BBX: variants seen among roughly 807,000 people sequenced by gnomAD.
BBX encodes HMG box transcription factor BBX.
Under a neutral mutation model 100.2 loss-of-function variants are expected in BBX, and 30 were observed. The observed-to-expected ratio is 0.30, with a 90% CI of 0.22 to 0.41. The LOEUF is 0.41. Among genes scored for constraint, BBX ranks in the 10% least tolerant of loss-of-function variants. The pLI, the probability that BBX is intolerant of heterozygous loss-of-function variation, is 1.00. For missense variants in BBX, 1,023 were observed against 1,129.8 expected, an observed-to-expected ratio of 0.91 and a Z score of 1.35; for synonymous variants, 376 against 388.1, an observed-to-expected ratio of 0.97 and a Z score of 0.37.
intron 10 of BBX, among the ~76,000 whole-genome samples, chr3:107,758,439 C>T (rs1018579300): frequency 6.6e-6 from 1 of 152,230 alleles, no homozygotes; most frequent in African/African-American, 2.4e-5. Flanking sequence ...AGGCAAGAGA[C>T]TATTGGACAG....
chr3:107,661,837 G>A (rs2058461669), intron 3 of BBX: 5 of 983,522 alleles, frequency 5.1e-6, no homozygotes, highest in Non-Finnish European at 6.0e-6. Context: ...GGCACCCTCA[G>A]GAAGACCCCA....
At chr3:107,665,458 G>T (rs2058687386) in intron 3 of BBX, among the ~76,000 whole-genome samples, 1 of 152,080 alleles carries the variant, frequency 6.6e-6, no homozygotes, top group Non-Finnish European at 1.5e-5. Flanking sequence ...CTTTGTCACT[G>T]TCTGAGCACC....
chr3:107,688,449 G>A (rs946868600), intron 3 of BBX, among the ~76,000 whole-genome samples: 7 of 152,202 alleles, frequency 4.6e-5, no homozygotes, highest in Non-Finnish European at 7.3e-5. Context: ...CTTCTTGACC[G>A]TGTCTTTGGC....
intron 2 of BBX, among the ~76,000 whole-genome samples, chr3:107,570,958 A>G (rs2051310143): frequency 6.6e-6 from 1 of 152,202 alleles, no homozygotes; most frequent in Non-Finnish European, 1.5e-5. Context: ...AATCATCCAG[A>G]TAAAATGGAG....
chr3:107,550,825 T>C (rs947003289), intron 2 of BBX, among the ~76,000 whole-genome samples: 5 of 152,106 alleles, frequency 3.3e-5, no homozygotes, highest in African/African-American at 1.2e-4. Context: ...TAATTACTCA[T>C]CTAGGGTGGC....
chr3:107,791,249 A>T lies in BBX; in HGVS notation c.2303A>T (p.Asp768Val), dbSNP rs1224544497. The T allele has an allele frequency of 1.9e-6, 3 of 1,612,786 alleles. No homozygotes were observed. Among genetic ancestry groups the T allele is most frequent in the South Asian group, 2.2e-5 (2 of 90,906 alleles). Reference protein sequence around the residue: ...KPNVPEKGSGDKWSNKQLFLD... With the variant: ...KPNVPEKGSGVKWSNKQLFLD... Reference sequence around the variant, plus strand: ...CTGTCATTGTTTTTAGGAAGTGGGGATAAATGGTCAAACAAGCAACTCTTC... The same window carrying T: ...CTGTCATTGTTTTTAGGAAGTGGGGTTAAATGGTCAAACAAGCAACTCTTC... The change falls in exon 15 of 18, where the codon GAT (aspartate) becomes GTT (valine). Residue 768 changes from aspartate (D) to valine (V), a missense_variant. By Grantham distance (152) the Asp-to-Val change is radical. Transcript: ENST00000325805.
At chr3:107,595,644 G>T (rs2053623592) in intron 2 of BBX, among the ~76,000 whole-genome samples, 1 of 152,176 alleles carries the variant, frequency 6.6e-6, no homozygotes, top group African/African-American at 2.4e-5. Flanking sequence ...TCCTTTCTGT[G>T]ACTCTTGTTA....
chr3:107,778,075 C>T (rs749877629), intron 12 of BBX, among the ~76,000 whole-genome samples: 6 of 151,898 alleles, frequency 4.0e-5, no homozygotes, highest in Non-Finnish European at 7.4e-5. Flanking sequence ...TTATGAAAAA[C>T]TCCCATGCCA....
chr3:107,658,474 C>A (rs2058265128), intron 3 of BBX, among the ~76,000 whole-genome samples: 1 of 152,122 alleles, frequency 6.6e-6, no homozygotes, highest in African/African-American at 2.4e-5. Context: ...GTCGACTCTT[C>A]TTTCACACTT....
intron 4 of BBX, among the ~76,000 whole-genome samples, chr3:107,711,822 C>T (rs1315073942): frequency 6.6e-6 from 1 of 152,150 alleles, no homozygotes; most frequent in African/African-American, 2.4e-5. Context: ...AGGGCACCCA[C>T]TCCTGTTTCT....
intron 1 of BBX, among the ~76,000 whole-genome samples, chr3:107,524,965 G>A (rs1306970363): frequency 6.6e-6 from 1 of 151,712 alleles, no homozygotes; most frequent in East Asian, 2.0e-4. Context: ...CCGGGCTGCC[G>A]TTCCCGGGGT....
At chr3:107,730,049 T>C (rs747121846) in intron 6 of BBX, among the ~76,000 whole-genome samples, 3 of 152,102 alleles carry the variant, frequency 2.0e-5, no homozygotes, top group Non-Finnish European at 4.4e-5. Flanking sequence ...ACCTCACGAC[T>C]GCACTCCATC....
intron 10 of BBX, among the ~76,000 whole-genome samples, chr3:107,767,172 C>T (rs576239051): frequency 6.6e-6 from 1 of 152,332 alleles, no homozygotes; most frequent in East Asian, 1.9e-4. Context: ...GCACATTCTG[C>T]ATATGTATCC....
chr3:107,808,855 G>C lies in BBX; in HGVS notation c.*3398G>C, dbSNP rs965840030. On this transcript the variant is annotated 3_prime_UTR_variant, in exon 18 of 18. Coordinates refer to ENST00000325805, the MANE Select transcript of BBX (RefSeq NM_001142568.3). ...GAAATATATTTATTTAATTCTGTCA[G>C]ATGAGCTTTCTACCGATGCCATGTC... The C allele has an allele frequency of 2.8e-4, 42 of 152,280 alleles. No homozygotes were observed. The highest frequency in any genetic ancestry group is 2.5e-3 in the Admixed American group (38 of 15,292). 9.4% of individuals were successfully genotyped at this position (152,280 alleles called of 1,614,324 possible).
chr3:107,754,785 A>G (rs904670602), intron 9 of BBX, among the ~76,000 whole-genome samples: 1 of 152,242 alleles, frequency 6.6e-6, no homozygotes, highest in Non-Finnish European at 1.5e-5. Flanking sequence ...CTACTCTAAC[A>G]ATGACAGAAC....
At chr3:107,675,202 T>G (rs968272047) in intron 3 of BBX, among the ~76,000 whole-genome samples, 2 of 152,142 alleles carry the variant, frequency 1.3e-5, no homozygotes, top group African/African-American at 4.8e-5. Flanking sequence ...GAATGTATAG[T>G]GTATCTGTCC....
At chr3:107,730,738 C>T (rs1196311615) in intron 6 of BBX, among the ~76,000 whole-genome samples, 1 of 152,150 alleles carries the variant, frequency 6.6e-6, no homozygotes, top group Non-Finnish European at 1.5e-5. Flanking sequence ...GCATTTATCT[C>T]ATTATGTAAT....
At chr3:107,753,385 T>C (rs554859145) in intron 9 of BBX, among the ~76,000 whole-genome samples, 4 of 152,080 alleles carry the variant, frequency 2.6e-5, no homozygotes, top group Admixed American at 1.3e-4. Flanking sequence ...GCCACTAAAA[T>C]ATGTTGAACC....
chr3:107,530,195 C>T (rs2048061668), intron 2 of BBX, among the ~76,000 whole-genome samples: 1 of 152,008 alleles, frequency 6.6e-6, no homozygotes, highest in African/African-American at 2.4e-5. Context: ...AGTTTGAGAC[C>T]AGCCTGGCCA....
Sources: allele counts gnomAD v4.1 joint callset (sites outside exome capture counted in the v4.1 genomes callset), GRCh38; gene constraint gnomAD v4.1.1; transcripts MANE v1.5; gene names NCBI Gene and HGNC (gene_info 2026-07-23, HGNC 2026-07-21).